GALNT13: variants seen among roughly 807,000 people sequenced by gnomAD.
The protein encoded by GALNT13 is polypeptide N-acetylgalactosaminyltransferase 13.
Under a neutral mutation model 64.2 loss-of-function variants are expected in GALNT13, and 28 were observed. The observed-to-expected ratio is 0.44, with a 90% confidence interval of 0.32 to 0.60. The LOEUF is 0.60. Ranked by LOEUF, GALNT13 falls within the 20% of genes least tolerant of loss-of-function variation. The pLI is 0.05. For synonymous variants in GALNT13, 214 were observed against 224.6 expected (o/e 0.95, Z 0.42); for missense variants, 577 against 669.8 (o/e 0.86, Z 1.53).
chr2:153,534,792 G>A, the GALNT13 span, among the ~76,000 whole-genome samples: 1 of 151,910 alleles, frequency 6.6e-6, no homozygotes, highest in South Asian at 2.1e-4. Flanking sequence ...GGCAAGGACC[G>A]GCCATTTACA....
the GALNT13 span, among the ~76,000 whole-genome samples, chr2:153,704,135 C>T: frequency 6.6e-6 from 1 of 152,066 alleles, no homozygotes; most frequent in South Asian, 2.1e-4. Flanking sequence ...AAATGACTCA[C>T]TTTATATATA....
chr2:153,878,441 C>T (rs942957881), intron 1 of GALNT13, among the ~76,000 whole-genome samples: 2 of 152,148 alleles, frequency 1.3e-5, no homozygotes, highest in African/African-American at 4.8e-5. Flanking sequence ...GACTTGATGA[C>T]ATAATGCTTA....
At chr2:153,491,632 A>ATTTCTTTC in the GALNT13 span, among the ~76,000 whole-genome samples, 1 of 149,818 alleles carries the variant, frequency 6.7e-6, no homozygotes, top group African/African-American at 2.5e-5. Context: ...TTATTTATTT[A>ATTTCTTTC]TTTCTTCAGA....
At chr2:154,133,536 A>ATATATATATATATG (rs1682756201) in intron 3 of GALNT13, among the ~76,000 whole-genome samples, 2 of 6,338 alleles carry the variant, frequency 3.2e-4, no homozygotes, top group African/African-American at 1.3e-3. Context: ...AGACCATTTT[A>ATATATATATATATG]TATATATATA....
the GALNT13 span, among the ~76,000 whole-genome samples, chr2:153,670,267 C>G: frequency 6.6e-6 from 1 of 152,140 alleles, no homozygotes; most frequent in Non-Finnish European, 1.5e-5. Context: ...CCTGTGTAGC[C>G]TGGCTGGGAG....
the GALNT13 span, among the ~76,000 whole-genome samples, chr2:153,554,547 A>T: frequency 2.0e-5 from 3 of 152,220 alleles, no homozygotes; most frequent in Admixed American, 1.3e-4. Flanking sequence ...AAAGAAATGC[A>T]TCTGGAATTT....
chr2:154,160,129 T>A (rs2105661264), intron 4 of GALNT13, among the ~76,000 whole-genome samples: 1 of 152,292 alleles, frequency 6.6e-6, no homozygotes, highest in Non-Finnish European at 1.5e-5. Context: ...TTTTGGCCAT[T>A]TTCAGCTATT....
chr2:153,631,533 G>T, the GALNT13 span, among the ~76,000 whole-genome samples: 2 of 152,134 alleles, frequency 1.3e-5, no homozygotes, highest in Non-Finnish European at 2.9e-5. Context: ...TCTCATTGTG[G>T]TTTTGATTTG....
chr2:153,438,950 T>A, the GALNT13 span, among the ~76,000 whole-genome samples: 1 of 152,160 alleles, frequency 6.6e-6, no homozygotes, highest in African/African-American at 2.4e-5. Context: ...TCTTTGTGGT[T>A]TTATCTACCT....
chr2:153,353,876 T>G, the GALNT13 span, among the ~76,000 whole-genome samples: 4 of 152,288 alleles, frequency 2.6e-5, no homozygotes, highest in Non-Finnish European at 4.4e-5. Context: ...TTGTAATGTC[T>G]TTGCCAAGCT....
chr2:153,785,230 G>A, the GALNT13 span, among the ~76,000 whole-genome samples: 1 of 152,176 alleles, frequency 6.6e-6, no homozygotes, highest in Non-Finnish European at 1.5e-5. Flanking sequence ...TCTAAAAAGT[G>A]ACCAGACTGC....
the GALNT13 span, among the ~76,000 whole-genome samples, chr2:153,181,442 A>G: frequency 2.0e-5 from 3 of 151,206 alleles, no homozygotes; most frequent in Non-Finnish European, 4.4e-5. Flanking sequence ...TCTATCCTGG[A>G]GAATGCTCCC....
the GALNT13 span, among the ~76,000 whole-genome samples, chr2:153,145,443 A>G: frequency 6.6e-6 from 1 of 152,004 alleles, no homozygotes; most frequent in Non-Finnish European, 1.5e-5. Context: ...AAATATACCT[A>G]GTTGGATTTC....
the GALNT13 span, among the ~76,000 whole-genome samples, chr2:153,215,301 A>G: frequency 1.3e-5 from 2 of 152,050 alleles, no homozygotes; most frequent in Admixed American, 1.3e-4. Flanking sequence ...TTAATATGCA[A>G]TTAAATGTAA....
intron 8 of GALNT13, among the ~76,000 whole-genome samples, chr2:154,298,469 A>AT (rs1165419718): frequency 9.4e-6 from 1 of 106,304 alleles, no homozygotes; most frequent in Non-Finnish European, 2.0e-5. Context: ...ACATATATAA[A>AT]TTATATATAA....
intron 3 of GALNT13, among the ~76,000 whole-genome samples, chr2:154,114,476 A>G (rs1349391220): frequency 2.0e-5 from 3 of 152,200 alleles, no homozygotes; most frequent in African/African-American, 7.2e-5. Flanking sequence ...GCTCAGAGCC[A>G]GTGTCCAGTA....
At chr2:154,405,233 C>A (rs1699474706) in intron 10 of GALNT13, among the ~76,000 whole-genome samples, 2 of 151,662 alleles carry the variant, frequency 1.3e-5, no homozygotes, top group African/African-American at 4.8e-5. Flanking sequence ...AAATCAAAGA[C>A]TAAATCATTT....
intron 3 of GALNT13, among the ~76,000 whole-genome samples, chr2:154,019,221 A>T (rs1697244990): frequency 6.6e-6 from 1 of 152,194 alleles, no homozygotes; most frequent in African/African-American, 2.4e-5. Context: ...TATAAATTAA[A>T]TCAAAGCTTA....
chr2:153,147,444 A>T, the GALNT13 span, among the ~76,000 whole-genome samples: 2 of 151,558 alleles, frequency 1.3e-5, no homozygotes, highest in Non-Finnish European at 2.9e-5. Context: ...GAGTATAAGG[A>T]TGCTCTAAAG....
Sources: allele counts gnomAD v4.1 joint callset (sites outside exome capture counted in the v4.1 genomes callset), GRCh38; gene constraint gnomAD v4.1.1; transcripts MANE v1.5; gene names NCBI Gene and HGNC (gene_info 2026-07-23, HGNC 2026-07-21).